ADCY2: variants seen among roughly 807,000 people sequenced by gnomAD.
The protein encoded by ADCY2 is adenylate cyclase 2.
In ADCY2, 31 loss-of-function variants were observed where a neutral mutation model predicts 125.2. That is an observed-to-expected ratio of 0.25 (90% CI 0.19 to 0.33). The LOEUF (loss-of-function observed/expected upper bound fraction) is 0.33. Ranked by LOEUF, ADCY2 falls within the 10% of genes least tolerant of loss-of-function variation. ADCY2 has a pLI of 1.00. For synonymous variants in ADCY2, 512 were observed against 548.4 expected (o/e 0.93, Z 0.93); for missense variants, 904 against 1,418.2 (o/e 0.64, Z 5.82).
intron 7 of ADCY2, among the ~76,000 whole-genome samples, chr5:7,704,594 A>G (rs1211267860): frequency 6.6e-6 from 1 of 152,142 alleles, no homozygotes; most frequent in Non-Finnish European, 1.5e-5. Flanking sequence ...ACATGTGGCT[A>G]GTTGGCCGGG....
chr5:7,655,481 A>T (rs901017478), intron 4 of ADCY2, among the ~76,000 whole-genome samples: 4 of 152,168 alleles, frequency 2.6e-5, no homozygotes, highest in African/African-American at 9.7e-5. Context: ...AAAAAGACTG[A>T]CGTTCCAGCT....
chr5:7,579,185 A>G (rs1383661532), intron 3 of ADCY2, among the ~76,000 whole-genome samples: 2 of 152,304 alleles, frequency 1.3e-5, no homozygotes, highest in East Asian at 3.9e-4. Context: ...AGGCACTGGA[A>G]AGTGGCCCAA....
At chr5:7,409,585 C>A (rs1004697717) in intron 1 of ADCY2, among the ~76,000 whole-genome samples, 2 of 152,134 alleles carry the variant, frequency 1.3e-5, no homozygotes, top group Admixed American at 1.3e-4. Flanking sequence ...TTGCCTGACA[C>A]ATGATTTTTA....
chr5:7,577,085 A>G (rs1736275296), intron 3 of ADCY2, among the ~76,000 whole-genome samples: 1 of 152,146 alleles, frequency 6.6e-6, no homozygotes, highest in African/African-American at 2.4e-5. Context: ...TTAGTTTGTG[A>G]TACGAAGATT....
At chr5:7,517,456 T>TA (rs1034687629) in intron 2 of ADCY2, among the ~76,000 whole-genome samples, 2 of 151,984 alleles carry the variant, frequency 1.3e-5, no homozygotes, top group African/African-American at 4.8e-5. Context: ...AAAGCAGGCT[T>TA]AAAAAAAATG....
intron 2 of ADCY2, among the ~76,000 whole-genome samples, chr5:7,444,257 G>C (rs1741141049): frequency 6.6e-6 from 1 of 151,790 alleles, no homozygotes; most frequent in South Asian, 2.1e-4. Context: ...GGGACTACAG[G>C]CGCCCGCCAC....
intron 22 of ADCY2, among the ~76,000 whole-genome samples, chr5:7,811,988 C>T (rs1744958652): frequency 6.6e-6 from 1 of 152,190 alleles, no homozygotes; most frequent in African/African-American, 2.4e-5. Context: ...CAGAGTTTTA[C>T]AGTCTGGGAG....
chr5:7,494,216 G>A (rs1743267878), intron 2 of ADCY2, among the ~76,000 whole-genome samples: 3 of 152,022 alleles, frequency 2.0e-5, no homozygotes, highest in Admixed American at 6.6e-5. Context: ...TCCTGCTGTT[G>A]CCCTATCTCC....
At chr5:7,694,789 C>T (rs1463834223) in intron 5 of ADCY2, among the ~76,000 whole-genome samples, 3 of 152,174 alleles carry the variant, frequency 2.0e-5, no homozygotes, top group African/African-American at 7.2e-5. Flanking sequence ...TGGATATATA[C>T]CCAGAAGTTG....
intron 1 of ADCY2, among the ~76,000 whole-genome samples, chr5:7,410,159 C>T (rs1418656135): frequency 3.3e-5 from 5 of 152,104 alleles, no homozygotes; most frequent in African/African-American, 1.2e-4. Flanking sequence ...GAGGGACATT[C>T]GACTTCTCCC....
chr5:7,702,233 T>TC (rs1305179523), intron 7 of ADCY2, among the ~76,000 whole-genome samples: 2 of 151,412 alleles, frequency 1.3e-5, no homozygotes, highest in East Asian at 1.9e-4. Context: ...TTCTTTTTTT[T>TC]TTTTTTTTTT....
intron 3 of ADCY2, among the ~76,000 whole-genome samples, chr5:7,594,454 G>A (rs570199737): frequency 5.9e-5 from 9 of 152,200 alleles, no homozygotes; most frequent in East Asian, 3.8e-4. Flanking sequence ...AATACCATTC[G>A]AGAGAAAGCT....
intron 3 of ADCY2, among the ~76,000 whole-genome samples, chr5:7,547,497 T>C (rs1344226482): frequency 6.6e-6 from 1 of 152,120 alleles, no homozygotes; most frequent in Non-Finnish European, 1.5e-5. Context: ...GATGGGCGTG[T>C]CCGGGGAGAC....
In ADCY2 at chr5:7,396,579, G is replaced by C; in HGVS notation, c.210+73G>C. The C allele has an allele frequency of 1.5e-6, 2 of 1,345,836 alleles. No homozygotes were observed. Among genetic ancestry groups the C allele is most frequent in the Admixed American group, 2.9e-5 (1 of 34,754 alleles). The allele number at this position is 1,345,836 out of a possible 1,614,324, so 83.4% of individuals were successfully genotyped here. A position where few individuals can be genotyped will look rare whatever the true frequency, so the allele number is the denominator to read the frequency against. ...AGAGGAGCCCGGCCAGCCGAGCCGC[G>C]TCCCGCTCCGGGCTGCCCCTCGGCC... On this transcript the variant is annotated intron_variant, in intron 1 of 24. Coordinates refer to ENST00000338316, the MANE Select transcript of ADCY2 (RefSeq NM_020546.3). The surrounding 1 kb of genome is among the most constrained non-coding windows in gnomAD (Gnocchi z 5.7).
chr5:7,582,445 T>C lies in ADCY2; in HGVS notation c.571-43722T>C, dbSNP rs145686311. Among the ~76,000 whole-genome samples, 354 of 152,158 alleles carry C rather than the reference T, an allele frequency of 2.3e-3. 2 individuals are homozygous for C. Among genetic ancestry groups the C allele is most frequent in the African/African-American group, 8.3e-3 (344 of 41,548 alleles). ...TATGAGGCCAGAATAACCGAGATAC[T>C]AAAACCTAACAAAGATCGTAGAAAA... On this transcript the variant is annotated intron_variant, in intron 3 of 24. Transcript: ENST00000338316.
intron 2 of ADCY2, among the ~76,000 whole-genome samples, chr5:7,431,543 CT>C (rs1476300653): frequency 6.7e-6 from 1 of 149,798 alleles, no homozygotes; most frequent in Admixed American, 6.6e-5. Context: ...AAAAAAAACC[CT>C]GATAGATAAA....
chr5:7,535,874 G>A (rs1012876554), intron 3 of ADCY2, among the ~76,000 whole-genome samples: 1 of 152,154 alleles, frequency 6.6e-6, no homozygotes, highest in East Asian at 1.9e-4. Flanking sequence ...ATTCCAAGCA[G>A]CCCCCGCGAT....
At chr5:7,554,174 C>A (rs984425496) in intron 3 of ADCY2, among the ~76,000 whole-genome samples, 1 of 152,046 alleles carries the variant, frequency 6.6e-6, no homozygotes, top group African/African-American at 2.4e-5. Context: ...ATGCCAAGGC[C>A]GACCAAAGAA....
chr5:7,616,965 A>G (rs1737785444), intron 3 of ADCY2, among the ~76,000 whole-genome samples: 1 of 152,098 alleles, frequency 6.6e-6, no homozygotes, highest in African/African-American at 2.4e-5. Context: ...AGGTCACTGA[A>G]TTTTTGTCCC....
Sources: allele counts gnomAD v4.1 joint callset (sites outside exome capture counted in the v4.1 genomes callset), GRCh38; gene constraint gnomAD v4.1.1; non-coding constraint Gnocchi (gnomAD v3.1); transcripts MANE v1.5; gene names NCBI Gene and HGNC (gene_info 2026-07-23, HGNC 2026-07-21).